The following ARMC2 variants were observed in gnomAD, a reference collection of about 807,000 sequenced individuals.
ARMC2 encodes the protein armadillo repeat-containing protein 2.
A neutral mutation model predicts 90.3 loss-of-function variants in ARMC2; 67 were observed. The observed-to-expected ratio is 0.74, with a 90% confidence interval of 0.61 to 0.91. The LOEUF (loss-of-function observed/expected upper bound fraction) is 0.91. Among genes scored for constraint, ARMC2 ranks in the 40% least tolerant of loss-of-function variants. The probability of loss-of-function intolerance (pLI) is 0.00; values close to 1 mark genes in which losing one functional copy is unlikely to be tolerated. For synonymous variants in ARMC2, 393 were observed against 393.0 expected, an observed-to-expected ratio of 1.00 and a Z score of 0.00; for missense variants, 920 against 1,030.9, an observed-to-expected ratio of 0.89 and a Z score of 1.47.
intron 12 of ARMC2, among the ~76,000 whole-genome samples, chr6:108,948,531 C>T (rs368952842): frequency 3.3e-5 from 5 of 150,686 alleles, no homozygotes; most frequent in South Asian, 2.1e-4. Context: ...GTGCTGCAGA[C>T]GGCGCAATCT....
At chr6:108,899,539 G>A (rs1771917843) in intron 6 of ARMC2, among the ~76,000 whole-genome samples, 155 bp from the exon 7 acceptor site, 1 of 152,190 alleles carries the variant, frequency 6.6e-6, no homozygotes, top group Non-Finnish European at 1.5e-5. Flanking sequence ...TAGAAGACCT[G>A]TAGTTCTAAT....
At chr6:108,853,483 T>G (rs1026346609) in intron 1 of ARMC2, among the ~76,000 whole-genome samples, 8 of 151,296 alleles carry the variant, frequency 5.3e-5, no homozygotes, top group South Asian at 2.1e-4. Flanking sequence ...GGACTTTGAG[T>G]TTTTTTTTAA....
the ARMC2 span, among the ~76,000 whole-genome samples, chr6:109,012,539 C>G: frequency 6.6e-5 from 10 of 152,058 alleles, no homozygotes; most frequent in African/African-American, 2.4e-4. Context: ...TAACAGAGAA[C>G]TATGAAATAT....
chr6:109,025,261 G>A, the ARMC2 span, among the ~76,000 whole-genome samples: 5 of 152,038 alleles, frequency 3.3e-5, no homozygotes, highest in South Asian at 6.2e-4. Context: ...TAAACACAAG[G>A]TGGATCACAC....
the ARMC2 span, among the ~76,000 whole-genome samples, chr6:109,049,698 A>C: frequency 6.7e-6 from 1 of 150,258 alleles, no homozygotes; most frequent in East Asian, 1.9e-4. Context: ...GGGGACGTAT[A>C]TTTATATTAA....
chr6:108,979,101 A>G (rs1779038831), downstream of ARMC2, among the ~76,000 whole-genome samples: 1 of 152,068 alleles, frequency 6.6e-6, no homozygotes, highest in Non-Finnish European at 1.5e-5. Context: ...TGGTCTTTAC[A>G]ATTTGGTATG....
the ARMC2 span, chr6:109,001,303 G>C: frequency 6.2e-7 from 1 of 1,613,596 alleles, no homozygotes. Context: ...TTCCAATGTA[G>C]TGACGATAAT....
the ARMC2 span, among the ~76,000 whole-genome samples, chr6:109,009,940 T>C: frequency 6.6e-6 from 1 of 152,124 alleles, no homozygotes; most frequent in Middle Eastern, 3.2e-3. Flanking sequence ...CCAGGAGTAA[T>C]GAAGTTCTCT....
At chr6:108,850,014 CT>C (rs960527115) in intron 1 of ARMC2, among the ~76,000 whole-genome samples, 5 of 152,224 alleles carry the variant, frequency 3.3e-5, no homozygotes, top group African/African-American at 1.2e-4. Flanking sequence ...TGCTTTTCCC[CT>C]GTTGCAGACA....
intron 5 of ARMC2, among the ~76,000 whole-genome samples, chr6:108,881,346 A>G (rs1777565154): frequency 1.8e-5 from 1 of 54,396 alleles, no homozygotes. Context: ...TCCAACAGGG[A>G]CGGTTTATGG....
Position 108,953,150 on chromosome 6 carries a change from A to G in ARMC2, c.1714A>G (p.Thr572Ala). The G allele has an allele frequency of 6.2e-7, 1 of 1,614,058 alleles. No individual in the cohort carries two copies. Among genetic ancestry groups the G allele is most frequent in the Non-Finnish European group, 8.5e-7 (1 of 1,179,904 alleles). ...CCAAACTCTGCTGTCATTATTCCAG[A>G]CGTTCCATCAGCTGGATCTGCATTC... is the stretch of plus-strand genomic sequence containing the variant. ...SIQTLLSLFQ[T>A]FHQLDLHSQK... Residue 572 changes from threonine to alanine, a missense_variant, in exon 13 of 18, where the codon ACG (threonine) becomes GCG (alanine). Transcript: ENST00000392644.
intron 7 of ARMC2, among the ~76,000 whole-genome samples, chr6:108,900,690 G>C (rs1356628551): frequency 6.6e-6 from 1 of 152,190 alleles, no homozygotes; most frequent in Non-Finnish European, 1.5e-5. Flanking sequence ...GTGCTTGGCT[G>C]TGTTCATGGT....
chr6:108,916,571 C>T (rs1773993190), intron 10 of ARMC2, among the ~76,000 whole-genome samples: 1 of 152,146 alleles, frequency 6.6e-6, no homozygotes, highest in Non-Finnish European at 1.5e-5. Context: ...AACTCCAGAA[C>T]ACTAGAATTT....
At chr6:109,037,584 A>C in the ARMC2 span, among the ~76,000 whole-genome samples, 2 of 152,248 alleles carry the variant, frequency 1.3e-5, no homozygotes, top group Non-Finnish European at 2.9e-5. Context: ...GCTAGAATAG[A>C]TTTGGAGCAT....
intron 12 of ARMC2, among the ~76,000 whole-genome samples, chr6:108,947,592 C>T (rs139366118): frequency 2.0e-5 from 3 of 152,232 alleles, no homozygotes; most frequent in African/African-American, 7.2e-5. Flanking sequence ...CATTCACAGG[C>T]TTGTGGGGCC....
intron 5 of ARMC2, among the ~76,000 whole-genome samples, chr6:108,891,381 A>C (rs939765638): frequency 1.3e-5 from 2 of 152,216 alleles, no homozygotes; most frequent in African/African-American, 4.8e-5. Flanking sequence ...GTGTAAAAGC[A>C]TTCCTATTTC....
intron 12 of ARMC2, among the ~76,000 whole-genome samples, chr6:108,938,140 T>C (rs1776115063): frequency 6.6e-6 from 1 of 152,230 alleles, no homozygotes; most frequent in Non-Finnish European, 1.5e-5. Context: ...ATTTTAAATG[T>C]GGTAAATTTT....
chr6:108,854,325 G>T lies in ARMC2; in HGVS notation c.58G>T (p.Val20Leu). ...GKLDPFYQPS[V>L]SKQKTSAEII... Reference sequence around the variant, plus strand: ...ACTGGATCCATTTTATCAACCTTCAGTGTCCAAGCAGAAGACCAGTGCAGA... The same window carrying T: ...ACTGGATCCATTTTATCAACCTTCATTGTCCAAGCAGAAGACCAGTGCAGA... Residue 20 changes from valine to leucine, a missense_variant, in exon 2 of 18, where the codon GTG (valine) becomes TTG (leucine). Val to Leu is a conservative substitution (Grantham distance 32). Transcript: ENST00000392644. 6.2e-7 allele frequency: 1 copy of T among 1,612,686 alleles called. No homozygotes were observed. Among genetic ancestry groups the T allele is most frequent in the Non-Finnish European group, 8.5e-7 (1 of 1,179,596 alleles).
At position 108,917,647 on chromosome 6, in the gene ARMC2, T is replaced by C. The variant is rs1774100987; in HGVS notation, c.1350+5089T>C. Among the ~76,000 whole-genome samples the C allele has an allele frequency of 2.0e-5, 3 of 152,236 alleles. No individual in the cohort carries two copies. In the South Asian group the frequency reaches 6.2e-4, roughly 32 times the overall value. ...ATTAGCTTTATTTTTATTTTTTAAA[T>C]TTTAATATATATTTTTTTGAGATAG... is the stretch of plus-strand genomic sequence containing the variant. On this transcript the variant is annotated intron_variant, in intron 10 of 17. Coordinates refer to ENST00000392644, the MANE Select transcript of ARMC2 (RefSeq NM_032131.6).
Sources: allele counts gnomAD v4.1 joint callset (sites outside exome capture counted in the v4.1 genomes callset), GRCh38; gene constraint gnomAD v4.1.1; transcripts MANE v1.5; gene names NCBI Gene and HGNC (gene_info 2026-07-23, HGNC 2026-07-21).